Variants in MTUS2 observed in about 807,000 individuals in gnomAD.
MTUS2 encodes the protein microtubule-associated tumor suppressor candidate 2.
Under a neutral mutation model 114.1 loss-of-function variants are expected in MTUS2, and 40 were observed. The ratio of observed to expected loss-of-function variants is 0.35; its 90% confidence interval spans 0.27 to 0.46. The LOEUF is 0.46. Ranked by LOEUF, MTUS2 falls within the 20% of genes least tolerant of loss-of-function variation. MTUS2 has a pLI of 1.00. For missense variants in MTUS2, 1,679 were observed against 1,705.4 expected, an observed-to-expected ratio of 0.98 and a Z score of 0.27; for synonymous variants, 688 against 672.0, an observed-to-expected ratio of 1.02 and a Z score of -0.37.
intron 5 of MTUS2, among the ~76,000 whole-genome samples, chr13:29,213,707 A>C (rs1424889862): frequency 6.6e-6 from 1 of 152,082 alleles, no homozygotes; most frequent in East Asian, 1.9e-4. Flanking sequence ...CTTTTCATCT[A>C]TTTGTCTATT....
chr13:28,877,187 G>A (rs1295419462), intron 2 of MTUS2, among the ~76,000 whole-genome samples: 7 of 150,660 alleles, frequency 4.6e-5, no homozygotes, highest in Non-Finnish European at 7.4e-5. Context: ...GCGTGGTGGC[G>A]GGCACCTGTA....
chr13:29,282,110 G>C (rs542853907), intron 6 of MTUS2, among the ~76,000 whole-genome samples: 2 of 152,238 alleles, frequency 1.3e-5, no homozygotes, highest in South Asian at 4.1e-4. Context: ...GTTTCAGAAA[G>C]CAAGAACCAA....
intron 9 of MTUS2, among the ~76,000 whole-genome samples, chr13:29,440,439 G>T (rs1214508533): frequency 6.6e-6 from 1 of 152,160 alleles, no homozygotes; most frequent in African/African-American, 2.4e-5. Flanking sequence ...CTGTGATCTA[G>T]AACAAGGTCA....
intron 5 of MTUS2, among the ~76,000 whole-genome samples, chr13:29,237,089 A>G (rs1041742115): frequency 6.6e-6 from 1 of 152,128 alleles, no homozygotes; most frequent in African/African-American, 2.4e-5. Context: ...CCATTTTTAA[A>G]ATTTCCAGCA....
At chr13:29,319,276 C>T (rs1448879809) in intron 6 of MTUS2, among the ~76,000 whole-genome samples, 3 of 152,208 alleles carry the variant, frequency 2.0e-5, no homozygotes, top group African/African-American at 7.2e-5. Context: ...TTTGGGCTCA[C>T]AGAACTGAGA....
intron 2 of MTUS2, among the ~76,000 whole-genome samples, chr13:28,943,574 C>G (rs566885680): frequency 6.6e-6 from 1 of 152,068 alleles, no homozygotes; most frequent in African/African-American, 2.4e-5. Flanking sequence ...GCAGGGCAGG[C>G]GATGGGTGAC....
chr13:29,472,725 A>C (rs1056865630), intron 9 of MTUS2, among the ~76,000 whole-genome samples: 1 of 152,246 alleles, frequency 6.6e-6, no homozygotes, highest in African/African-American at 2.4e-5. Flanking sequence ...GCATTTGTCT[A>C]TAATGGCAAA....
At chr13:29,095,396 A>G (rs933479803) in intron 4 of MTUS2, among the ~76,000 whole-genome samples, 1 of 152,064 alleles carries the variant, frequency 6.6e-6, no homozygotes, top group Non-Finnish European at 1.5e-5. Context: ...TATCATTGTG[A>G]ACTATCCCTC....
chr13:29,109,136 CTT>C (rs989020789), intron 5 of MTUS2, among the ~76,000 whole-genome samples: 2 of 152,086 alleles, frequency 1.3e-5, no homozygotes, highest in Non-Finnish European at 1.5e-5. Flanking sequence ...CTAGAAAGCT[CTT>C]AGACAACCGT....
chr13:29,389,517 A>ATGTATACACGTG (rs1566173356), intron 8 of MTUS2, among the ~76,000 whole-genome samples: 3 of 54,996 alleles, frequency 5.5e-5, no homozygotes, highest in Non-Finnish European at 9.4e-5. Flanking sequence ...ACGTGTGTGT[A>ATGTATACACGTG]TGTGTATATA....
chr13:29,352,011 C>T (rs960576763), intron 7 of MTUS2, among the ~76,000 whole-genome samples: 5 of 152,156 alleles, frequency 3.3e-5, no homozygotes, highest in African/African-American at 7.2e-5. Context: ...TTCCTTCCTT[C>T]GCTTCTTTGA....
chr13:28,957,705 A>G (rs972486622), intron 2 of MTUS2, among the ~76,000 whole-genome samples: 3 of 152,176 alleles, frequency 2.0e-5, no homozygotes, highest in African/African-American at 4.8e-5. Flanking sequence ...CCTGGGACCA[A>G]TGCCCTGTGG....
chr13:29,135,890 A>C (rs527289005), intron 5 of MTUS2, among the ~76,000 whole-genome samples: 3 of 152,248 alleles, frequency 2.0e-5, no homozygotes, highest in African/African-American at 4.8e-5. Context: ...CCAAAAACAT[A>C]AACTAATAAT....
intron 5 of MTUS2, among the ~76,000 whole-genome samples, chr13:29,183,987 C>T (rs888804817): frequency 6.6e-6 from 1 of 152,128 alleles, no homozygotes; most frequent in Non-Finnish European, 1.5e-5. Flanking sequence ...TGCCTATTTA[C>T]TTACCATCTA....
intron 8 of MTUS2, among the ~76,000 whole-genome samples, chr13:29,401,586 A>G (rs1874354385): frequency 6.6e-6 from 1 of 152,174 alleles, no homozygotes. Context: ...TGCTGTCTCA[A>G]CACCACTGAT....
chr13:29,334,420 G>A (rs941353675), intron 7 of MTUS2, among the ~76,000 whole-genome samples: 1 of 152,130 alleles, frequency 6.6e-6, no homozygotes, highest in African/African-American at 2.4e-5. Flanking sequence ...AAATCTCTCA[G>A]TATTTGCTTG....
chr13:29,036,738 A>G (rs1887094146), intron 4 of MTUS2, among the ~76,000 whole-genome samples: 1 of 151,976 alleles, frequency 6.6e-6, no homozygotes, highest in Non-Finnish European at 1.5e-5. Flanking sequence ...TTCTTGTTGC[A>G]TTGATCCCTT....
chr13:28,955,514 A>G (rs1883018588), intron 2 of MTUS2, among the ~76,000 whole-genome samples: 1 of 152,168 alleles, frequency 6.6e-6, no homozygotes, highest in Admixed American at 6.6e-5. Context: ...TCTCTGATGT[A>G]AGTGAGGGGC....
chr13:29,098,739 T>C (rs989433400), intron 4 of MTUS2, among the ~76,000 whole-genome samples: 1 of 152,224 alleles, frequency 6.6e-6, no homozygotes, highest in African/African-American at 2.4e-5. Flanking sequence ...TATAATGATT[T>C]AACAAACTTA....
Sources: gnomAD v4.1 joint callset for allele counts (sites outside exome capture counted in the v4.1 genomes callset) on GRCh38, gnomAD v4.1.1 for gene constraint, MANE v1.5 for transcripts, NCBI Gene and HGNC (gene_info 2026-07-23, HGNC 2026-07-21) for gene names.